The following IGFBP2 variants were observed in gnomAD, a reference collection of about 807,000 sequenced individuals.
IGFBP2 encodes insulin like growth factor binding protein 2, also known as insulin-like growth factor-binding protein 2.
Under a neutral mutation model 26.2 loss-of-function variants are expected in IGFBP2, and 12 were observed. The ratio of observed to expected loss-of-function variants is 0.46; its 90% CI spans 0.29 to 0.74. The LOEUF is 0.74. Among genes scored for constraint, IGFBP2 ranks in the 30% least tolerant of loss-of-function variants. The pLI is 0.09. For missense variants in IGFBP2, 328 were observed against 441.2 expected, an observed-to-expected ratio of 0.74 and a Z score of 2.30; for synonymous variants, 189 against 200.6, an observed-to-expected ratio of 0.94 and a Z score of 0.49.
chr2:216,647,629 C>T (rs1275335295), intron 1 of IGFBP2, among the ~76,000 whole-genome samples: 1 of 152,218 alleles, frequency 6.6e-6, no homozygotes, highest in Non-Finnish European at 1.5e-5. Context: ...GCACCATTCT[C>T]CTGCCTCAGC....
At chr2:216,634,036 C>A in intron 1 of IGFBP2, 71 bp downstream of exon 1, 7 of 1,497,886 alleles carry the variant, frequency 4.7e-6, no homozygotes, top group African/African-American at 1.4e-5. Flanking sequence ...GGCGGCTGGA[C>A]CTTACGGACG....
chr2:216,656,774 CT>C (rs925977349), intron 1 of IGFBP2, among the ~76,000 whole-genome samples: 21 of 152,330 alleles, frequency 1.4e-4, no homozygotes, highest in African/African-American at 4.3e-4. Flanking sequence ...ACCCAAGCCA[CT>C]TCCCAAGAGG....
At chr2:216,634,008 C>T in intron 1 of IGFBP2, 43 bp downstream of exon 1, 1 of 1,542,136 alleles carries the variant, frequency 6.5e-7, no homozygotes, top group Non-Finnish European at 8.8e-7. Flanking sequence ...ACTTGGAGGG[C>T]AGCGGAGAAG....
At chr2:216,648,039 A>T (rs1265546645) in intron 1 of IGFBP2, among the ~76,000 whole-genome samples, 1 of 152,270 alleles carries the variant, frequency 6.6e-6, no homozygotes, top group Non-Finnish European at 1.5e-5. Flanking sequence ...AAGTTATACC[A>T]GAGGGAGTCT....
chr2:216,645,491 C>T (rs924936604), intron 1 of IGFBP2, among the ~76,000 whole-genome samples: 2 of 152,158 alleles, frequency 1.3e-5, no homozygotes, highest in African/African-American at 4.8e-5. Flanking sequence ...TGCAGTTGGC[C>T]TCCAGCTCTA....
chr2:216,653,543 G>A (rs1559178481), intron 1 of IGFBP2, among the ~76,000 whole-genome samples: 2 of 152,254 alleles, frequency 1.3e-5, no homozygotes, highest in Non-Finnish European at 2.9e-5. Flanking sequence ...AAGAATGGCA[G>A]AGAGGTTGTT....
At chr2:216,641,114 T>C (rs573141773) in intron 1 of IGFBP2, among the ~76,000 whole-genome samples, 1 of 152,296 alleles carries the variant, frequency 6.6e-6, no homozygotes, top group South Asian at 2.1e-4. Context: ...ATAGCAATGA[T>C]TTTACCTCTT....
intron 1 of IGFBP2, among the ~76,000 whole-genome samples, chr2:216,649,143 C>T (rs1056052482): frequency 1.3e-5 from 2 of 152,096 alleles, no homozygotes; most frequent in African/African-American, 4.8e-5. Context: ...GATAGATGAC[C>T]AATATTGTCC....
At position 216,645,695 on chromosome 2, in the gene IGFBP2, A is replaced by G. The variant is rs530484754; in HGVS notation, c.442+11730A>G. Among the ~76,000 whole-genome samples, 12 of 152,304 alleles carry G rather than the reference A, an allele frequency of 7.9e-5. No individual in the cohort carries two copies. The East Asian group carries it at 1.5e-3, about 20-fold the overall frequency. ...GCTTTTGGACGTTTTCTGATTGGTC[A>G]TTTCAAGAATCCTGTTAGCAGGTGT... On this transcript the variant is annotated intron_variant, in intron 1 of 3. Coordinates refer to ENST00000233809, the MANE Select transcript of IGFBP2 (RefSeq NM_000597.3).
At chr2:216,645,669 C>T (rs149119414) in intron 1 of IGFBP2, among the ~76,000 whole-genome samples, 5 of 152,296 alleles carry the variant, frequency 3.3e-5, no homozygotes, top group African/African-American at 7.2e-5. Flanking sequence ...TGGCAGACAC[C>T]GCTTTTGGAC....
chr2:216,634,028 C>A (rs1233741631), intron 1 of IGFBP2, 63 bp downstream of exon 1: 2 of 1,511,606 alleles, frequency 1.3e-6, no homozygotes, highest in South Asian at 2.5e-5. Context: ...GCCCGACGGG[C>A]GGCTGGACCT....
intron 1 of IGFBP2, among the ~76,000 whole-genome samples, chr2:216,647,582 T>C (rs988881244): frequency 1.4e-4 from 22 of 152,208 alleles, no homozygotes; most frequent in Admixed American, 7.2e-4. Flanking sequence ...TGCAGTGGCG[T>C]GATCTCGGCT....
At chr2:216,639,023 T>G (rs1443587108) in intron 1 of IGFBP2, among the ~76,000 whole-genome samples, 1 of 143,456 alleles carries the variant, frequency 7.0e-6, no homozygotes, top group Non-Finnish European at 1.5e-5. Flanking sequence ...TTTTTTTTTT[T>G]TTTTTTTGAG....
intron 1 of IGFBP2, among the ~76,000 whole-genome samples, chr2:216,638,157 C>T (rs1276176971): frequency 6.6e-6 from 1 of 151,822 alleles, no homozygotes; most frequent in Non-Finnish European, 1.5e-5. Flanking sequence ...CACTGCTCTC[C>T]AGCCCGGGCA....
At chr2:216,645,743 T>A (rs1198137712) in intron 1 of IGFBP2, among the ~76,000 whole-genome samples, 4 of 152,162 alleles carry the variant, frequency 2.6e-5, no homozygotes, top group Non-Finnish European at 5.9e-5. Flanking sequence ...TGAGTGTGGC[T>A]TACCTGGACA....
intron 3 of IGFBP2, 109 bp downstream of exon 3, chr2:216,662,107 T>C: frequency 7.9e-7 from 1 of 1,266,842 alleles, no homozygotes; most frequent in East Asian, 2.4e-5. Context: ...CTGAGCTGAG[T>C]GAGAGACTCA....
At chr2:216,635,988 CAAAAG>C (rs1415126405) in intron 1 of IGFBP2, among the ~76,000 whole-genome samples, 11 of 151,350 alleles carry the variant, frequency 7.3e-5, no homozygotes, top group Non-Finnish European at 1.6e-4. Flanking sequence ...TGGGTGCACT[CAAAAG>C]AAGTGACCAA....
At chr2:216,651,942 G>T (rs1697833348) in intron 1 of IGFBP2, among the ~76,000 whole-genome samples, 1 of 151,426 alleles carries the variant, frequency 6.6e-6, no homozygotes, top group Non-Finnish European at 1.5e-5. Context: ...TTGTATTTTT[G>T]GTAGAGACAG....
Position 216,646,378 on chromosome 2 carries a change from CACTTGCTCACTGCCTTTCTTG to C in IGFBP2, c.442+12438_442+12458del, listed in dbSNP as rs561758119. ...TCCTTCCCATCCCATCTCATGGTTCCACTTGCTCACTGCCTTTCTTGACTTGCTCACTGCCTTTCTTGACTC... is the reference window on the plus strand; with the variant it reads ...TCCTTCCCATCCCATCTCATGGTTCCACTTGCTCACTGCCTTTCTTGACTC... On this transcript the variant is annotated intron_variant, in intron 1 of 3. Coordinates refer to ENST00000233809, the MANE Select transcript of IGFBP2 (RefSeq NM_000597.3). Among the ~76,000 whole-genome samples, 53 of 152,294 alleles carry C rather than the reference CACTTGCTCACTGCCTTTCTTG, an allele frequency of 3.5e-4. No individual in the cohort carries two copies. The South Asian group carries it at 0.011, about 30-fold the overall frequency.
Sources: gnomAD v4.1 joint callset for allele counts (sites outside exome capture counted in the v4.1 genomes callset) on GRCh38, gnomAD v4.1.1 for gene constraint, MANE v1.5 for transcripts, NCBI Gene and HGNC (gene_info 2026-07-23, HGNC 2026-07-21) for gene names.